Variants in FAM184A observed in about 807,000 individuals in gnomAD.
FAM184A encodes protein FAM184A.
A neutral mutation model predicts 143.8 loss-of-function variants in FAM184A; 99 were observed. That is an observed-to-expected ratio of 0.69 (90% CI 0.58 to 0.81). FAM184A has a LOEUF of 0.81. FAM184A is among the 40% of genes least tolerant of loss of function. FAM184A has a pLI of 0.00. For missense variants in FAM184A, 1,217 were observed against 1,310.5 expected (o/e 0.93, Z 1.10); for synonymous variants, 427 against 446.4 (o/e 0.96, Z 0.55).
At chr6:119,042,092 C>T (rs995567351) in intron 1 of FAM184A, among the ~76,000 whole-genome samples, 6 of 151,944 alleles carry the variant, frequency 3.9e-5, no homozygotes, top group African/African-American at 1.2e-4. Flanking sequence ...CCAGAACTGA[C>T]GGTACATGGC....
chr6:118,962,592 G>A (rs1486582000), intron 16 of FAM184A: 3 of 152,088 alleles, frequency 2.0e-5, no homozygotes, highest in Non-Finnish European at 2.9e-5. Flanking sequence ...GCATAATTAA[G>A]TCTAATTTCC....
At chr6:119,039,897 G>A (rs1194918567) in intron 1 of FAM184A, among the ~76,000 whole-genome samples, 1 of 152,120 alleles carries the variant, frequency 6.6e-6, no homozygotes, top group Non-Finnish European at 1.5e-5. Flanking sequence ...GTATCTTCTG[G>A]GTACGCTACA....
intron 1 of FAM184A, among the ~76,000 whole-genome samples, chr6:119,129,828 A>C (rs1477336032): frequency 2.0e-5 from 3 of 152,178 alleles, no homozygotes; most frequent in Non-Finnish European, 4.4e-5. Context: ...GGAGTTTAGA[A>C]ATATGTAGAT....
chr6:119,071,150 T>G (rs1047644138), intron 1 of FAM184A, among the ~76,000 whole-genome samples: 4 of 152,216 alleles, frequency 2.6e-5, no homozygotes, highest in Admixed American at 2.6e-4. Flanking sequence ...AGTCACATAT[T>G]CCTGCTGAAT....
intron 1 of FAM184A, among the ~76,000 whole-genome samples, chr6:119,068,207 C>T (rs557708175): frequency 5.3e-5 from 8 of 151,774 alleles, no homozygotes; most frequent in African/African-American, 1.2e-4. Context: ...CCACCACACT[C>T]GGCTAATTTT....
At chr6:118,973,276 CTATG>C (rs1031891781) in intron 14 of FAM184A, among the ~76,000 whole-genome samples, 71 of 152,138 alleles carry the variant, frequency 4.7e-4, no homozygotes, top group African/African-American at 1.5e-3. Context: ...GTGGTGTTGC[CTATG>C]TATGTAACAA....
At chr6:119,100,969 A>G (rs1788622829) in intron 1 of FAM184A, among the ~76,000 whole-genome samples, 1 of 152,100 alleles carries the variant, frequency 6.6e-6, no homozygotes, top group African/African-American at 2.4e-5. Context: ...AAAAACCCCA[A>G]AAAACAAAAC....
intron 16 of FAM184A, chr6:118,962,380 AAGAG>A (rs1215889562): frequency 6.2e-6 from 1 of 160,812 alleles, no homozygotes; most frequent in African/African-American, 2.4e-5. Context: ...ATAATTTTAA[AAGAG>A]AGTCCATGAA....
chr6:119,099,748 T>C (rs1221945128), intron 1 of FAM184A, among the ~76,000 whole-genome samples: 1 of 152,078 alleles, frequency 6.6e-6, no homozygotes, highest in Non-Finnish European at 1.5e-5. Context: ...TACATGGAGC[T>C]TCCTGGAGGG....
At chr6:118,976,819 G>A (rs1202416348) in intron 11 of FAM184A, among the ~76,000 whole-genome samples, 2 of 152,204 alleles carry the variant, frequency 1.3e-5, no homozygotes, top group South Asian at 2.1e-4. Context: ...TCAATATCAT[G>A]AGCCACTAGG....
chr6:118,981,504 T>C (rs1263366833), intron 9 of FAM184A, among the ~76,000 whole-genome samples: 2 of 152,186 alleles, frequency 1.3e-5, no homozygotes, highest in Admixed American at 6.5e-5. Context: ...CTCTTTTAAT[T>C]GATGGAAGGC....
In FAM184A at chr6:119,006,463, G is replaced by A. The variant is rs746255021; in HGVS notation, c.1799C>T (p.Ala600Val). The A allele has an allele frequency of 3.1e-6, 5 of 1,611,074 alleles. No individual in the cohort carries two copies. The highest frequency in any genetic ancestry group is 4.5e-5 in the East Asian group (2 of 44,864). Residue 600 changes from alanine to valine, a missense_variant, in exon 7 of 18, where the codon GCT (alanine) becomes GTT (valine). Transcript: ENST00000338891. ...TGAAATTACCTCCACATTTAATAGA[G>A]CATCCTTGGTCTCCTTTAGGCTGTC... ...TKDSLKETKD[A>V]LLNVEGELEQ...
Position 119,078,105 on chromosome 6 carries a change from C to G in FAM184A, c.159+36G>C, listed in dbSNP as rs550828455. On this transcript the variant is annotated intron_variant, in intron 1 of 17. Transcript: ENST00000338891. This position sits in a 1 kb window ranked among gnomAD's most constrained non-coding sequence, Gnocchi z 5.5. The stretch of plus-strand genomic sequence containing the variant: ...ACAGGTGAGTCCGGCGCGGCCCGCA[C>G]GGGGTCGCCACCTGCCCCGTCGCTG... 2.2e-4 allele frequency: 337 copies of G among 1,552,518 alleles called. 3 individuals carry two copies. In the East Asian group the frequency reaches 8.1e-3, roughly 37 times the overall value.
chr6:119,048,118 A>G (rs1305289954), intron 1 of FAM184A, among the ~76,000 whole-genome samples: 1 of 152,244 alleles, frequency 6.6e-6, no homozygotes. Flanking sequence ...AAACAGAACT[A>G]AAGACAAAAG....
chr6:119,123,245 C>T (rs140250308), intron 1 of FAM184A, among the ~76,000 whole-genome samples: 37 of 151,962 alleles, frequency 2.4e-4, no homozygotes, highest in Non-Finnish European at 3.5e-4. Context: ...AAAAATTAGC[C>T]GGGCCTGGTG....
At chr6:119,107,714 G>A (rs1016576600) in intron 1 of FAM184A, among the ~76,000 whole-genome samples, 1 of 150,286 alleles carries the variant, frequency 6.7e-6, no homozygotes, top group Admixed American at 6.7e-5. Flanking sequence ...GGAGGAGGAA[G>A]TTGCAGTGAA....
At chr6:118,999,590 T>C (rs1479118640) in intron 9 of FAM184A, among the ~76,000 whole-genome samples, 1 of 152,210 alleles carries the variant, frequency 6.6e-6, no homozygotes, top group African/African-American at 2.4e-5. Context: ...GCCCTATTCA[T>C]GAGTCCCACT....
chr6:119,024,282 T>A lies in FAM184A; in HGVS notation c.691A>T (p.Asn231Tyr). 1 of 1,614,194 alleles carries A rather than the reference T, an allele frequency of 6.2e-7. No homozygotes were observed. The highest frequency in any genetic ancestry group is 8.5e-7 in the Non-Finnish European group (1 of 1,180,022). ...AGTCTTAGCTCCTCAAGCATTTTGT[T>A]TAGGGACTCCACCTCCATTCTGTGT... ...ELHRMEVESLNKMLEELRLER... is the reference protein window; with the variant it reads ...ELHRMEVESLYKMLEELRLER... The change falls in exon 2 of 18, where the codon AAC (asparagine) becomes TAC (tyrosine). Residue 231 changes from asparagine (N) to tyrosine (Y), a missense_variant. Physicochemically the swap from Asn to Tyr is moderately radical, Grantham distance 143. Coordinates refer to ENST00000338891, the MANE Select transcript of FAM184A (RefSeq NM_024581.6).
intron 1 of FAM184A, among the ~76,000 whole-genome samples, chr6:119,134,512 G>A (rs1582645110): frequency 2.0e-5 from 3 of 151,830 alleles, no homozygotes; most frequent in Admixed American, 1.3e-4. Flanking sequence ...AAATTAGCTG[G>A]GCATGGTGAT....
Sources: gnomAD v4.1 joint callset for allele counts (sites outside exome capture counted in the v4.1 genomes callset) on GRCh38, gnomAD v4.1.1 for gene constraint, Gnocchi (gnomAD v3.1) non-coding constraint, MANE v1.5 for transcripts, NCBI Gene and HGNC (gene_info 2026-07-23, HGNC 2026-07-21) for gene names.